The following UBA1 variants were observed in gnomAD, a reference collection of about 807,000 sequenced individuals.
The protein encoded by UBA1 is ubiquitin-like modifier-activating enzyme 1.
Under a neutral mutation model 84.7 loss-of-function variants are expected in UBA1, and 4 were observed. That is an observed-to-expected ratio of 0.05 (90% CI 0.02 to 0.11). UBA1 has a LOEUF of 0.11. Among genes scored for constraint, UBA1 ranks in the 10% least tolerant of loss-of-function variants. UBA1 has a pLI of 1.00. For synonymous variants in UBA1, 364 were observed against 362.6 expected (o/e 1.00, Z -0.04); for missense variants, 513 against 902.8 (o/e 0.57, Z 5.53).
At chrX:47,212,578 G>A in intron 21 of UBA1, 66 bp downstream of exon 21, 3 of 1,029,886 alleles carry the variant, frequency 2.9e-6, no homozygotes, top group Non-Finnish European at 4.1e-6. Context: ...GAGAAAACAG[G>A]AGTATCTGGA....
At chrX:47,200,783 C>A in intron 5 of UBA1, 111 bp from the exon 6 acceptor site, 1 of 579,117 alleles carries the variant, frequency 1.7e-6, no homozygotes. Flanking sequence ...AGAGGCTGAC[C>A]CAGCAAAGCC....
At position 47,213,174 on chromosome X, in the gene UBA1, G is replaced by T; in HGVS notation, c.2831G>T (p.Arg944Leu). Residue 944 changes from arginine (R) to leucine (L), a missense_variant, in exon 23 of 26, where the codon CGT becomes CTT. By Grantham distance (102) the Arg-to-Leu change is moderately radical. Around this residue, in one of 6 missense-constraint regions of UBA1, gnomAD observed 151 missense variants for 260.1 expected, o/e 0.58. Transcript: ENST00000335972. ...TTCTCTGAACCCCTTGCCGCACCACGTCACCAGGTGGGGGCCTGCATCCGA... is the reference window on the plus strand; with the variant it reads ...TTCTCTGAACCCCTTGCCGCACCACTTCACCAGGTGGGGGCCTGCATCCGA... ...FGFSEPLAAP[R>L]HQYYNQEWTL... is the part of the protein sequence containing the mutation. The T allele has an allele frequency of 8.3e-7, 1 of 1,210,447 alleles. No individual in the cohort carries two copies.
chrX:47,192,333 A>G (rs1556784432), upstream of UBA1, among the ~76,000 whole-genome samples: 1 of 111,250 alleles, frequency 9.0e-6, no homozygotes, highest in Non-Finnish European at 1.9e-5. Context: ...GCACTGGTCT[A>G]AGCCCTTTCT....
Position 47,209,670 on chromosome X carries a change from T to C in UBA1, c.1986T>C (p.Asn662=), listed in dbSNP as rs781848402. 2 of 1,211,205 alleles carry C rather than the reference T, an allele frequency of 1.7e-6. No homozygotes were observed. The highest frequency in any genetic ancestry group is 2.3e-4 in the Middle Eastern group (1 of 4,334). Residue 662 remains asparagine, a synonymous_variant, in exon 17 of 26, where the codon AAT becomes AAC. Coordinates refer to ENST00000335972, the MANE Select transcript of UBA1 (RefSeq NM_003334.4). The stretch of plus-strand genomic sequence containing the variant: ...GCCTCTTCAAGCAGCCAGCAGAAAA[T>C]GTCAACCAGTACCTCACGTGAGTAA... ...FEGLFKQPAE[N]VNQYLTDPKF...
At chrX:47,198,780 C>T (rs1556786367) in intron 1 of UBA1, 23 bp from the exon 2 acceptor site, 1 of 1,204,112 alleles carries the variant, frequency 8.3e-7, no homozygotes, top group South Asian at 1.8e-5. Context: ...TCCAGGGTCA[C>T]CTCTGACCTT....
upstream of UBA1, chrX:47,191,307 T>G (rs955414930): frequency 9.0e-6 from 1 of 111,672 alleles, no homozygotes; most frequent in Admixed American, 9.5e-5. Context: ...GGGGAGGGCT[T>G]GTTTCAGGAC....
intron 1 of UBA1, chrX:47,197,917 G>A: frequency 1.3e-6 from 1 of 789,574 alleles, no homozygotes; most frequent in Non-Finnish European, 1.5e-6. Flanking sequence ...TGAGGACAGA[G>A]TGAGACGAGG....
chrX:47,200,097 T>C (rs1936350255), intron 5 of UBA1, among the ~76,000 whole-genome samples: 1 of 111,712 alleles, frequency 9.0e-6, no homozygotes, highest in Non-Finnish European at 1.9e-5. Context: ...GCCCCGCCTT[T>C]TCAAGTGGGG....
In UBA1 at chrX:47,211,145, A is replaced by G; in HGVS notation, c.2384A>G (p.Gln795Arg). 8.3e-7 allele frequency: 1 copy of G among 1,211,629 alleles called. No individual in the cohort carries two copies. Among genetic ancestry groups the G allele is most frequent in the Non-Finnish European group, 1.1e-6 (1 of 895,529 alleles). Reference protein sequence around the residue: ...AAVATFLQSVQVPEFTPKSGV... With the variant: ...AAVATFLQSVRVPEFTPKSGV... ...GTGGCCACATTCCTGCAGTCTGTGC[A>G]GGTCCCCGAATTCACCCCCAAGTCT... is the stretch of plus-strand genomic sequence containing the variant. The change falls in exon 20 of 26, where the codon CAG (glutamine) becomes CGG (arginine). Residue 795 changes from glutamine (Q) to arginine (R), a missense_variant. Gln to Arg is a conservative substitution (Grantham distance 43, BLOSUM62 1). Around this residue, in one of 6 missense-constraint regions of UBA1, gnomAD observed 151 missense variants for 260.1 expected, o/e 0.58. Coordinates refer to ENST00000335972, the MANE Select transcript of UBA1 (RefSeq NM_003334.4).
Position 47,202,441 on chromosome X carries a change from T to C in UBA1, c.993T>C (p.Ile331=). The part of the protein sequence containing the change: ...AKFSRPAQLH[I]GFQALHQFCA... ...TTTCTCGCCCTGCCCAGCTGCACATTGGCTTCCAGGCCCTGCACCAGTTCT... is the reference window on the plus strand; with the variant it reads ...TTTCTCGCCCTGCCCAGCTGCACATCGGCTTCCAGGCCCTGCACCAGTTCT... Residue 331 remains isoleucine, a synonymous_variant, in exon 10 of 26, where the codon ATT becomes ATC. Transcript: ENST00000335972. The C allele has an allele frequency of 8.3e-7, 1 of 1,208,693 alleles. No homozygotes were observed. Among genetic ancestry groups the C allele is most frequent in the East Asian group, 3.0e-5 (1 of 33,703 alleles).
In UBA1 at chrX:47,203,591, T is replaced by C; in HGVS notation, c.1470T>C (p.Ile490=). 3 of 1,210,291 alleles carry C rather than the reference T, an allele frequency of 2.5e-6. No homozygotes were observed. Among genetic ancestry groups the C allele is most frequent in the Non-Finnish European group, 3.4e-6 (3 of 895,071 alleles). Reference sequence around the variant, plus strand: ...AGCTGCTCAAGAACTTTGCCATGATTGGGCTGGGCTGCGGGGAGGGTGGAG... The same window carrying C: ...AGCTGCTCAAGAACTTTGCCATGATCGGGCTGGGCTGCGGGGAGGGTGGAG... ...GCELLKNFAM[I]GLGCGEGGEI... Residue 490 remains isoleucine (I), a synonymous_variant, in exon 14 of 26, where the codon ATT becomes ATC. Coordinates refer to ENST00000335972, the MANE Select transcript of UBA1 (RefSeq NM_003334.4).
chrX:47,199,058 A>G lies in UBA1; in HGVS notation c.128A>G (p.Lys43Arg). 8.2e-7 allele frequency: 1 copy of G among 1,212,488 alleles called. No individual in the cohort carries two copies. Among genetic ancestry groups the G allele is most frequent in the Non-Finnish European group, 1.1e-6 (1 of 895,666 alleles). The change falls in exon 3 of 26, where the codon AAG becomes AGG. Residue 43 changes from lysine (K) to arginine (R), a missense_variant. Around this residue, in one of 6 missense-constraint regions of UBA1, gnomAD observed 38 missense variants for 43.4 expected, o/e 0.88. Transcript: ENST00000335972. Reference protein sequence around the residue: ...VPSVPTNGMAKNGSEADIDEG... With the variant: ...VPSVPTNGMARNGSEADIDEG... ...TTCCTCTATTCCTAGGGAATGGCCA[A>G]GAACGGCAGTGAAGCAGACATAGAC...
At chrX:47,212,168 C>T (rs1936952405) in intron 20 of UBA1, among the ~76,000 whole-genome samples, 1 of 109,884 alleles carries the variant, frequency 9.1e-6, no homozygotes, top group Non-Finnish European at 1.9e-5. Context: ...CCACTTTCTC[C>T]TAACATTTTC....
intron 8 of UBA1, 74 bp from the exon 9 acceptor site, chrX:47,202,082 G>A: frequency 2.2e-6 from 2 of 894,691 alleles, no homozygotes; most frequent in Non-Finnish European, 3.2e-6. Context: ...GGGGCAGGAG[G>A]TTCCTTATCT....
At chrX:47,201,068 T>A (rs1324232186) in intron 6 of UBA1, 68 bp downstream of exon 6, 27 of 990,379 alleles carry the variant, frequency 2.7e-5, no homozygotes, top group Non-Finnish European at 3.2e-5. Context: ...AGGCCAAGAC[T>A]CTAGGCTCTC....
At chrX:47,201,428 G>T in intron 7 of UBA1, 50 bp from the exon 8 acceptor site, 2 of 1,211,482 alleles carry the variant, frequency 1.7e-6, no homozygotes, top group Non-Finnish European at 2.2e-6. Context: ...CTTCCTGTCT[G>T]CTCTTGGTAC....
At chrX:47,214,708 A>C in intron 25 of UBA1, 71 bp downstream of exon 25, 1 of 1,189,634 alleles carries the variant, frequency 8.4e-7, no homozygotes, top group Non-Finnish European at 1.1e-6. Flanking sequence ...CAGCTGTCCC[A>C]CTCCAGTTCA....
In UBA1 at chrX:47,211,118, C is replaced by T; in HGVS notation, c.2357C>T (p.Ala786Val). 8.3e-7 allele frequency: 1 copy of T among 1,211,963 alleles called. No homozygotes were observed. Among genetic ancestry groups the T allele is most frequent in the Admixed American group, 2.2e-5 (1 of 46,093 alleles). The change falls in exon 20 of 26, where the codon GCT becomes GTT. Residue 786 changes from alanine (A) to valine (V), a missense_variant. By Grantham distance (64) the Ala-to-Val change is moderately conservative. This residue lies in a region of UBA1 where 151 missense variants were observed against 260.1 expected (regional missense o/e 0.58). Transcript: ENST00000335972. The part of the protein sequence containing the change: ...YGLTGSQDRA[A>V]VATFLQSVQV... ...CTGACAGGCTCTCAGGACCGAGCTG[C>T]TGTGGCCACATTCCTGCAGTCTGTG... is the stretch of plus-strand genomic sequence containing the variant.
chrX:47,198,283 G>T (rs782258889), intron 1 of UBA1: 1 of 981,663 alleles, frequency 1.0e-6, no homozygotes, highest in South Asian at 2.0e-5. Context: ...ATGGCTGCTT[G>T]TTACTGCCTA....
Sources: allele counts gnomAD v4.1 joint callset (sites outside exome capture counted in the v4.1 genomes callset), GRCh38; gene constraint gnomAD v4.1.1; regional missense constraint gnomAD v4.1.1; transcripts MANE v1.5; gene names NCBI Gene and HGNC (gene_info 2026-07-23, HGNC 2026-07-21).